CPNE1: variants seen among roughly 807,000 people sequenced by gnomAD.
CPNE1 encodes copine-1.
CPNE1 carries 58 observed loss-of-function variants against 63.2 expected under a neutral mutation model. That is an observed-to-expected ratio of 0.92 (90% CI 0.74 to 1.14). The LOEUF (loss-of-function observed/expected upper bound fraction) is 1.14. CPNE1 is among the 50% of genes most tolerant of loss of function. The pLI, the probability that CPNE1 is intolerant of heterozygous loss-of-function variation, is 0.00. For missense variants in CPNE1, 672 were observed against 661.7 expected, an observed-to-expected ratio of 1.02 and a Z score of -0.17; for synonymous variants, 237 against 249.0, an observed-to-expected ratio of 0.95 and a Z score of 0.45.
At chr20:35,662,009 CCA>C (rs1368511766) in intron 1 of CPNE1, among the ~76,000 whole-genome samples, 7 of 152,154 alleles carry the variant, frequency 4.6e-5, no homozygotes, top group African/African-American at 9.7e-5. Context: ...TATGAAACAA[CCA>C]CAGTTTCAGC....
At chr20:35,652,821 G>A (rs369899899) in intron 1 of CPNE1, 289 of 1,596,374 alleles carry the variant, frequency 1.8e-4, no homozygotes, top group Non-Finnish European at 2.4e-4. Context: ...TTGGGCCAGG[G>A]CCGGGGCCGG....
intron 1 of CPNE1, chr20:35,654,599 ACATGGGTGGCAGTGGGGT>A (rs1183441583): frequency 3.1e-6 from 5 of 1,614,098 alleles, no homozygotes; most frequent in African/African-American, 1.3e-5. Context: ...GGCATGCCCG[ACATGGGTGGCAGTGGGGT>A]CATGGGTGGC....
rs1260080491 is a variant in CPNE1 at position 35,654,966 on chromosome 20, C to T, written c.-1+9794G>A. The stretch of plus-strand genomic sequence containing the variant: ...TATTAAAGTTGGATACTGTTGTGGG[C>T]AAGTTTACCCTGCTACTCATTCCTG... On this transcript the variant is annotated intron_variant, in intron 1 of 15. Coordinates refer to ENST00000397443, the MANE Select transcript of CPNE1 (RefSeq NM_152925.3). 5.0e-6 allele frequency: 8 copies of T among 1,614,122 alleles called. No homozygotes were observed. The South Asian group carries it at 8.8e-5, about 18-fold the overall frequency.
chr20:35,650,368 C>T (rs1568930022), intron 1 of CPNE1: 1 of 152,300 alleles, frequency 6.6e-6, no homozygotes, highest in African/African-American at 2.4e-5. Flanking sequence ...GAACATATAA[C>T]CAAAATAAAT....
chr20:35,654,651 G>C, intron 1 of CPNE1: 1 of 1,613,820 alleles, frequency 6.2e-7, no homozygotes, highest in Non-Finnish European at 8.5e-7. Flanking sequence ...GGGGAATCGG[G>C]GGCACAGGAG....
At chr20:35,637,630 C>G (rs1213304183) in intron 1 of CPNE1, among the ~76,000 whole-genome samples, 1 of 152,162 alleles carries the variant, frequency 6.6e-6, no homozygotes, top group Admixed American at 6.5e-5. Context: ...TGGATGACTG[C>G]GATGTTTCCT....
intron 1 of CPNE1, chr20:35,654,357 A>G (rs1030373080): frequency 6.2e-7 from 1 of 1,614,242 alleles, no homozygotes. Flanking sequence ...CATGAAAAAA[A>G]TCTCTGACAT....
chr20:35,631,762 G>A lies in CPNE1; in HGVS notation c.553C>T (p.Leu185=). The change falls in exon 7 of 16, where the codon CTG becomes TTG. Residue 185 remains leucine (L), a synonymous_variant. Transcript: ENST00000397443. ...VYRSEVIKNN[L]NPTWKRFSVP... ...GAGAAACGCTTCCATGTAGGGTTCA[G>A]GTTGTTCTTGATGACCTGAAGGTGG... 1 of 1,613,976 alleles carries A rather than the reference G, an allele frequency of 6.2e-7. No homozygotes were observed. Among genetic ancestry groups the A allele is most frequent in the Non-Finnish European group, 8.5e-7 (1 of 1,179,964 alleles).
intron 1 of CPNE1, chr20:35,651,086 G>A (rs41309308): frequency 0.021 from 3,225 of 152,236 alleles, 53 homozygotes; most frequent in Non-Finnish European, 0.033. Flanking sequence ...TCATCACAAG[G>A]AAAGTAACCA....
At chr20:35,661,312 C>G (rs1478027250) in intron 1 of CPNE1, among the ~76,000 whole-genome samples, 1 of 152,186 alleles carries the variant, frequency 6.6e-6, no homozygotes, top group Admixed American at 6.5e-5. Context: ...ACTACTATTC[C>G]TGTATTCTAA....
chr20:35,646,832 TCTC>T (rs1207770258), intron 1 of CPNE1, among the ~76,000 whole-genome samples: 2 of 152,232 alleles, frequency 1.3e-5, no homozygotes, highest in East Asian at 3.9e-4. Flanking sequence ...GAAATAGTCA[TCTC>T]CTATCATGAA....
intron 5 of CPNE1, 54 bp downstream of exon 5, chr20:35,632,109 C>T (rs986261749): frequency 2.4e-5 from 38 of 1,603,866 alleles, no homozygotes; most frequent in Non-Finnish European, 3.1e-5. Flanking sequence ...ATCCCCCATA[C>T]ACCATCCTTG....
At chr20:35,661,006 C>G (rs974069279) in intron 1 of CPNE1, among the ~76,000 whole-genome samples, 1 of 152,220 alleles carries the variant, frequency 6.6e-6, no homozygotes, top group Admixed American at 6.5e-5. Flanking sequence ...AAAGGCCCAG[C>G]TGAATTTGAC....
At chr20:35,632,973 C>A (rs768035049) in intron 1 of CPNE1, 50 bp from the exon 2 acceptor site, 1 of 841,238 alleles carries the variant, frequency 1.2e-6, no homozygotes, top group East Asian at 2.4e-5. Flanking sequence ...CTCTCCCCTT[C>A]CCCGACTACA....
chr20:35,649,090 T>C (rs558036630), intron 1 of CPNE1: 2 of 152,790 alleles, frequency 1.3e-5, no homozygotes, highest in African/African-American at 4.8e-5. Context: ...TTTGTTGTGT[T>C]TGGTTTCTAA....
intron 1 of CPNE1, among the ~76,000 whole-genome samples, chr20:35,660,274 C>A (rs1179431842): frequency 6.6e-6 from 1 of 152,026 alleles, no homozygotes; most frequent in African/African-American, 2.4e-5. Context: ...GCGATCTAGG[C>A]TCATTAGGCT....
intron 1 of CPNE1, among the ~76,000 whole-genome samples, chr20:35,659,361 T>C (rs2034103421): frequency 6.6e-6 from 1 of 152,196 alleles, no homozygotes; most frequent in Non-Finnish European, 1.5e-5. Context: ...GAAAACTCCG[T>C]AACACAAGTC....
At chr20:35,662,022 CA>C (rs2034256187) in intron 1 of CPNE1, among the ~76,000 whole-genome samples, 1 of 152,118 alleles carries the variant, frequency 6.6e-6, no homozygotes, top group Non-Finnish European at 1.5e-5. Context: ...CAGTTTCAGC[CA>C]CTTGATTTTG....
At chr20:35,654,820 C>A (rs1054453259) in intron 1 of CPNE1, 1 of 1,614,204 alleles carries the variant, frequency 6.2e-7, no homozygotes, top group African/African-American at 1.3e-5. Context: ...AAACGTTGGG[C>A]TCCCAAAGGA....
Sources: allele counts gnomAD v4.1 joint callset (sites outside exome capture counted in the v4.1 genomes callset), GRCh38; gene constraint gnomAD v4.1.1; transcripts MANE v1.5; gene names NCBI Gene and HGNC (gene_info 2026-07-23, HGNC 2026-07-21).